PALM2AKAP2: variants seen among roughly 807,000 people sequenced by gnomAD.
PALM2AKAP2 encodes PALM2-AKAP2 fusion protein.
PALM2AKAP2 carries 37 observed loss-of-function variants against 71.5 expected under a neutral mutation model. The ratio of observed to expected loss-of-function variants is 0.52; its 90% CI spans 0.40 to 0.68. The LOEUF (loss-of-function observed/expected upper bound fraction) is 0.68, where lower values mean the gene tolerates loss of function less well. Among genes scored for constraint, PALM2AKAP2 ranks in the 30% least tolerant of loss-of-function variants. PALM2AKAP2 has a pLI of 0.00. For missense variants in PALM2AKAP2, 1,224 were observed against 1,191.8 expected (o/e 1.03, Z -0.40); for synonymous variants, 468 against 478.8 (o/e 0.98, Z 0.29).
At chr9:109,739,845 C>T (rs1168636387) in intron 1 of PALM2AKAP2, among the ~76,000 whole-genome samples, 1 of 152,204 alleles carries the variant, frequency 6.6e-6, no homozygotes, top group Non-Finnish European at 1.5e-5. Flanking sequence ...TGGGCAACTC[C>T]CAGGGCTTTT....
intron 7 of PALM2AKAP2, chr9:110,025,399 C>CTTTTTTTTTTTTT (rs34276135): frequency 1.7e-6 from 1 of 586,802 alleles, no homozygotes. Context: ...GCCCGAAAGG[C>CTTTTTTTTTTTTT]TTTTTTTTTT....
At chr9:109,825,642 T>C (rs1330990239) in intron 1 of PALM2AKAP2, among the ~76,000 whole-genome samples, 2 of 152,066 alleles carry the variant, frequency 1.3e-5, no homozygotes. Flanking sequence ...ATCAGAGAAA[T>C]GCAAATCAAA....
chr9:110,089,222 T>C (rs188039078), intron 1 of PALM2AKAP2, among the ~76,000 whole-genome samples: 365 of 152,302 alleles, frequency 2.4e-3, no homozygotes, highest in African/African-American at 8.5e-3. Flanking sequence ...GGAGAGCACA[T>C]GTATGCATTT....
At chr9:109,659,897 G>A (rs998816551) in intron 1 of PALM2AKAP2, among the ~76,000 whole-genome samples, 3 of 152,082 alleles carry the variant, frequency 2.0e-5, no homozygotes, top group Admixed American at 1.3e-4. Flanking sequence ...CTGGAGTGCA[G>A]TGGTGTGATC....
At chr9:109,769,959 A>G (rs1829231463) in intron 1 of PALM2AKAP2, among the ~76,000 whole-genome samples, 1 of 152,176 alleles carries the variant, frequency 6.6e-6, no homozygotes, top group South Asian at 2.1e-4. Flanking sequence ...GGCTGGGTAG[A>G]CATGGAGTCA....
chr9:109,945,691 T>G (rs1243176076), intron 6 of PALM2AKAP2: 1 of 152,350 alleles, frequency 6.6e-6, no homozygotes, highest in East Asian at 1.9e-4. Flanking sequence ...TTTAAAAAGT[T>G]AAGCACAGTT....
chr9:110,055,481 G>C (rs1014683926), intron 1 of PALM2AKAP2, among the ~76,000 whole-genome samples: 1 of 152,244 alleles, frequency 6.6e-6, no homozygotes. Flanking sequence ...ACAGGCATGA[G>C]CCACCACGCC....
At chr9:110,158,917 G>A (rs570891323) in intron 3 of PALM2AKAP2, among the ~76,000 whole-genome samples, 5 of 152,282 alleles carry the variant, frequency 3.3e-5, no homozygotes, top group Admixed American at 3.3e-4. Flanking sequence ...TGCTTCTAAA[G>A]CAAAGATATG....
intron 1 of PALM2AKAP2, among the ~76,000 whole-genome samples, chr9:109,808,484 G>T (rs944530814): frequency 1.3e-5 from 2 of 152,332 alleles, no homozygotes; most frequent in East Asian, 3.9e-4. Context: ...GTGTTAAAGA[G>T]GTGACTTGGG....
At chr9:109,671,703 A>G (rs891297467) in intron 1 of PALM2AKAP2, among the ~76,000 whole-genome samples, 3 of 152,124 alleles carry the variant, frequency 2.0e-5, no homozygotes, top group Admixed American at 6.6e-5. Flanking sequence ...TATTTTAATG[A>G]TATTGATTCT....
chr9:109,942,950 C>T (rs1253436110), intron 6 of PALM2AKAP2: 1 of 1,614,174 alleles, frequency 6.2e-7, no homozygotes, highest in Admixed American at 1.7e-5. Flanking sequence ...TCTGAAAGGA[C>T]TGTGATTGCA....
chr9:109,763,379 C>T (rs1198145673), intron 1 of PALM2AKAP2, among the ~76,000 whole-genome samples: 2 of 152,108 alleles, frequency 1.3e-5, no homozygotes, highest in Non-Finnish European at 2.9e-5. Flanking sequence ...AAGACCCTGC[C>T]CTGCCTCCTA....
intron 3 of PALM2AKAP2, among the ~76,000 whole-genome samples, chr9:109,904,796 A>G (rs1830409373): frequency 6.6e-6 from 1 of 152,232 alleles, no homozygotes; most frequent in African/African-American, 2.4e-5. Flanking sequence ...CTCTGTATCC[A>G]AGAGTTCACA....
chr9:110,062,735 T>G (rs1433838884), intron 1 of PALM2AKAP2, among the ~76,000 whole-genome samples: 1 of 152,206 alleles, frequency 6.6e-6, no homozygotes, highest in Non-Finnish European at 1.5e-5. Context: ...CTGGGTAGTT[T>G]AAACAACAGA....
At chr9:109,680,297 C>T (rs1420110237) in intron 1 of PALM2AKAP2, among the ~76,000 whole-genome samples, 3 of 152,168 alleles carry the variant, frequency 2.0e-5, no homozygotes, top group African/African-American at 7.2e-5. Context: ...CAGATGGGTC[C>T]ATTTTATCTC....
upstream of PALM2AKAP2, among the ~76,000 whole-genome samples, chr9:109,779,168 C>G (rs1165675598): frequency 6.6e-6 from 1 of 152,154 alleles, no homozygotes; most frequent in Non-Finnish European, 1.5e-5. Flanking sequence ...GAAACGTTTG[C>G]ATATGAATGT....
intron 3 of PALM2AKAP2, among the ~76,000 whole-genome samples, chr9:109,916,104 C>T (rs754521491): frequency 6.6e-6 from 1 of 152,192 alleles, no homozygotes; most frequent in Non-Finnish European, 1.5e-5. Context: ...CCACCATGCC[C>T]AGCTAATTTT....
intron 2 of PALM2AKAP2, 124 bp from the exon 9 acceptor site, chr9:110,156,195 T>C: frequency 7.4e-7 from 1 of 1,351,800 alleles, no homozygotes; most frequent in Non-Finnish European, 9.8e-7. Flanking sequence ...GGCCTACACT[T>C]AACCATCATT....
intron 1 of PALM2AKAP2, among the ~76,000 whole-genome samples, chr9:109,812,050 G>A (rs1361074165): frequency 6.6e-6 from 1 of 152,244 alleles, no homozygotes; most frequent in African/African-American, 2.4e-5. Flanking sequence ...CTGGCTAACA[G>A]AGCCACAGTC....
Sources: gnomAD v4.1 joint callset for allele counts (sites outside exome capture counted in the v4.1 genomes callset) on GRCh38, gnomAD v4.1.1 for gene constraint, MANE v1.5 for transcripts, NCBI Gene and HGNC (gene_info 2026-07-23, HGNC 2026-07-21) for gene names.